GATA1: variants seen among roughly 807,000 people sequenced by gnomAD.
GATA1 encodes GATA binding protein 1.
GATA1 carries 2 observed loss-of-function variants against 18.9 expected under a neutral mutation model. The ratio of observed to expected loss-of-function variants is 0.11; its 90% confidence interval spans 0.04 to 0.33. The LOEUF (loss-of-function observed/expected upper bound fraction) is 0.33, where lower values mean the gene tolerates loss of function less well. GATA1 is among the 10% of genes least tolerant of loss of function. The pLI is 1.00. For missense variants in GATA1, 272 were observed against 344.7 expected, an observed-to-expected ratio of 0.79 and a Z score of 1.67; for synonymous variants, 152 against 149.1, an observed-to-expected ratio of 1.02 and a Z score of -0.14.
At chrX:48,793,623 C>T (rs1447159017) in intron 5 of GATA1, among the ~76,000 whole-genome samples, 170 bp from the exon 6 acceptor site, 1 of 108,697 alleles carries the variant, frequency 9.2e-6, no homozygotes, top group Non-Finnish European at 1.9e-5. Flanking sequence ...TCCTATCAGC[C>T]TTGGAGGCTT....
At chrX:48,793,755 T>G in intron 5 of GATA1, 38 bp from the exon 6 acceptor site, 1 of 1,206,984 alleles carries the variant, frequency 8.3e-7, no homozygotes, top group Non-Finnish European at 1.1e-6. Context: ...GAGGCAAAGG[T>G]CTGGAGTTGG....
chrX:48,792,203 C>T lies in GATA1; in HGVS notation c.580C>T (p.Leu194Phe). ...TTCCTCTCCCAAGCTTCGTGGAACT[C>T]TCCCCCTGCCTCCCTGTGGTGAGAA... ...AYSSPKLRGT[L>F]PLPPCEAREC... The change falls in exon 3 of 6, where the codon CTC (leucine) becomes TTC (phenylalanine). Residue 194 changes from leucine (L) to phenylalanine (F), a missense_variant. Around this residue, in one of 3 missense-constraint regions of GATA1, gnomAD observed 147 missense variants for 157.4 expected, o/e 0.93. Transcript: ENST00000376670. The T allele has an allele frequency of 8.3e-7, 1 of 1,211,451 alleles. No homozygotes were observed. Among genetic ancestry groups the T allele is most frequent in the Non-Finnish European group, 1.1e-6 (1 of 895,434 alleles).
In GATA1 at chrX:48,791,253, T is replaced by C. The variant is rs1557020040; in HGVS notation, c.144T>C (p.Thr48=). Residue 48 remains threonine (T), a synonymous_variant, in exon 2 of 6, where the codon ACT becomes ACC. Coordinates refer to ENST00000376670, the MANE Select transcript of GATA1 (RefSeq NM_002049.4). ...GCTTGGATGCAGCAGCTTCCTCCACTGCCCCGAGCACAGCCACCGCTGCAG... is the reference window on the plus strand; with the variant it reads ...GCTTGGATGCAGCAGCTTCCTCCACCGCCCCGAGCACAGCCACCGCTGCAG... ...PEGLDAAASS[T]APSTATAAAA... is the part of the protein sequence containing the mutation. The C allele has an allele frequency of 2.2e-5, 27 of 1,206,127 alleles. No individual in the cohort carries two copies. Among genetic ancestry groups the C allele is most frequent in the Non-Finnish European group, 2.9e-5 (26 of 892,835 alleles).
chrX:48,793,766 G>A, intron 5 of GATA1, 27 bp from the exon 6 acceptor site: 1 of 1,208,972 alleles, frequency 8.3e-7, no homozygotes, highest in Non-Finnish European at 1.1e-6. Context: ...CTGGAGTTGG[G>A]GACACCCGCA....
chrX:48,789,814 T>C (rs2062668501), intron 1 of GATA1, among the ~76,000 whole-genome samples: 1 of 104,537 alleles, frequency 9.6e-6, no homozygotes, highest in African/African-American at 3.5e-5. Flanking sequence ...GAGGAGGGAG[T>C]CAAGCCCGGA....
rs140561920 is a variant in GATA1, at chrX:48,792,194, C to T, written c.571C>T (p.Arg191Cys). ...NSAAYSSPKL[R>C]GTLPLPPCEA... ...AGCAGCCTATTCCTCTCCCAAGCTT[C>T]GTGGAACTCTCCCCCTGCCTCCCTG... The change falls in exon 3 of 6, where the codon CGT (arginine) becomes TGT (cysteine). Residue 191 changes from arginine to cysteine, a missense_variant. Physicochemically the swap from Arg to Cys is radical, Grantham distance 180. Transcript: ENST00000376670. The T allele has an allele frequency of 8.4e-5, 101 of 1,209,400 alleles. No individual in the cohort carries two copies. Among genetic ancestry groups the T allele is most frequent in the East Asian group, 2.4e-4 (8 of 33,754 alleles).
At chrX:48,791,418 AG>A in intron 2 of GATA1, 89 bp downstream of exon 2, 1 of 815,128 alleles carries the variant, frequency 1.2e-6, no homozygotes, top group South Asian at 2.2e-5. Context: ...TACCACTGTG[AG>A]GATATCTCAG....
chrX:48,790,802 G>A (rs868933298), intron 1 of GATA1, among the ~76,000 whole-genome samples: 2 of 101,844 alleles, frequency 2.0e-5, no homozygotes, highest in South Asian at 5.0e-4. Flanking sequence ...AGGGAGGAGA[G>A]GAAAGACAAA....
chrX:48,791,008 G>A, intron 1 of GATA1, 83 bp from the exon 2 acceptor site: 1 of 626,990 alleles, frequency 1.6e-6, no homozygotes, highest in East Asian at 3.6e-5. Flanking sequence ...AGTGGGAGGA[G>A]GGGGAAAGGA....
rs782408441 is a variant in GATA1 at position 48,791,145 on chromosome X, A to C, written c.36A>C (p.Ser12=). The change falls in exon 2 of 6, where the codon TCA becomes TCC. Residue 12 remains serine, a synonymous_variant. Transcript: ENST00000376670. ...EFPGLGSLGT[S]EPLPQFVDPA... ...CTGGCCTGGGGTCCCTGGGGACCTC[A>C]GAGCCCCTCCCCCAGTTTGTGGATC... 8.3e-7 allele frequency: 1 copy of C among 1,209,591 alleles called. No homozygotes were observed.
chrX:48,789,317 A>G (rs1407487547), intron 1 of GATA1, among the ~76,000 whole-genome samples: 4 of 111,081 alleles, frequency 3.6e-5, no homozygotes, highest in Non-Finnish European at 5.7e-5. Flanking sequence ...AAAAAAAAAA[A>G]AAAAAGAAAA....
At position 48,793,216 on chromosome X, in the gene GATA1, G is replaced by A. The variant is rs933092940; in HGVS notation, c.789G>A (p.Thr263=). ...RAGTQCTNCQ[T]TTTTLWRRNA... is the part of the protein sequence containing the mutation. ...GTACTCAGTGCACCAACTGCCAGAC[G>A]ACCACCACGACACTGTGGCGGAGAA... The change falls in exon 5 of 6, where the codon ACG becomes ACA. Residue 263 remains threonine, a synonymous_variant. Coordinates refer to ENST00000376670, the MANE Select transcript of GATA1 (RefSeq NM_002049.4). The A allele has an allele frequency of 1.0e-5, 12 of 1,205,895 alleles. No homozygotes were observed. The highest frequency in any genetic ancestry group is 8.9e-5 in the African/African-American group (5 of 56,380).
intron 5 of GATA1, 80 bp from the exon 6 acceptor site, chrX:48,793,713 G>T (rs1480419835): frequency 8.7e-7 from 1 of 1,147,155 alleles, no homozygotes; most frequent in East Asian, 3.0e-5. Flanking sequence ...TGAAAGAAGT[G>T]GGGTAGAGAG....
chrX:48,793,065 C>T, intron 4 of GATA1, 107 bp from the exon 5 acceptor site: 3 of 900,976 alleles, frequency 3.3e-6, no homozygotes, highest in Non-Finnish European at 4.8e-6. Flanking sequence ...AAAGCCCTGC[C>T]TTCAACCTGA....
At chrX:48,792,554 A>C (rs192395206) in intron 4 of GATA1, 86 bp downstream of exon 4, 3 of 1,136,436 alleles carry the variant, frequency 2.6e-6, no homozygotes, top group Non-Finnish European at 2.4e-6. Context: ...ATTATATAGG[A>C]ACGCTGTTCT....
At chrX:48,792,608 CCT>C (rs2062678597) in intron 4 of GATA1, 140 bp downstream of exon 4, 11 of 761,889 alleles carry the variant, frequency 1.4e-5, no homozygotes, top group Non-Finnish European at 7.9e-6. Flanking sequence ...TATGGGAACC[CCT>C]GTCCCAATAT....
intron 1 of GATA1, among the ~76,000 whole-genome samples, chrX:48,789,797 G>A (rs150167139): frequency 1.1e-3 from 126 of 111,246 alleles, no homozygotes; most frequent in African/African-American, 3.9e-3. Context: ...CGCAACAGAG[G>A]TGGAGGGAGG....
rs781880992 is a variant in GATA1 at position 48,794,151 on chromosome X, C to T, written c.1229C>T (p.Pro410Leu). Residue 410 changes from proline (P) to leucine (L), a missense_variant, in exon 6 of 6, where the codon CCG becomes CTG. Around this residue, in one of 3 missense-constraint regions of GATA1, gnomAD observed 83 missense variants for 84.2 expected, o/e 0.99. Coordinates refer to ENST00000376670, the MANE Select transcript of GATA1 (RefSeq NM_002049.4). ...ACCACCAGCACTACTGTGGTGGCTC[C>T]GCTCAGCTCATGAGGGCACAGAGCA... ...PPTTSTTVVA[P>L]LSS 2.3e-5 allele frequency: 27 copies of T among 1,179,513 alleles called. No individual in the cohort carries two copies. Among genetic ancestry groups the T allele is most frequent in the Middle Eastern group, 2.4e-4 (1 of 4,193 alleles).
intron 5 of GATA1, among the ~76,000 whole-genome samples, chrX:48,793,536 C>A (rs1192242555): frequency 9.6e-6 from 1 of 104,214 alleles, no homozygotes; most frequent in Non-Finnish European, 2.0e-5. Context: ...TCCTCCTCCG[C>A]CCTCCTCCTT....
Sources: gnomAD v4.1 joint callset for allele counts (sites outside exome capture counted in the v4.1 genomes callset) on GRCh38, gnomAD v4.1.1 for gene constraint, gnomAD v4.1.1 regional missense constraint, MANE v1.5 for transcripts, NCBI Gene and HGNC (gene_info 2026-07-23, HGNC 2026-07-21) for gene names.